Variants in EYA1 observed in about 807,000 individuals in gnomAD.
The protein encoded by EYA1 is EYA transcriptional coactivator and phosphatase 1.
In EYA1, 16 loss-of-function variants were observed where a neutral mutation model predicts 82.0. The ratio of observed to expected loss-of-function variants is 0.20; its 90% CI spans 0.13 to 0.30. EYA1 has a LOEUF of 0.30. Ranked by LOEUF, EYA1 falls within the 10% of genes least tolerant of loss-of-function variation. The pLI is 1.00. For synonymous variants in EYA1, 261 were observed against 264.4 expected (o/e 0.99, Z 0.12); for missense variants, 633 against 730.7 (o/e 0.87, Z 1.54).
chr8:71,223,955 G>A (rs569273417), intron 12 of EYA1, among the ~76,000 whole-genome samples: 12 of 152,290 alleles, frequency 7.9e-5, no homozygotes, highest in Admixed American at 7.8e-4. Context: ...TACAATTCAA[G>A]GTAGTTTTGG....
intron 2 of EYA1, among the ~76,000 whole-genome samples, chr8:71,392,290 T>C (rs1283925493): frequency 6.6e-6 from 1 of 152,132 alleles, no homozygotes; most frequent in Non-Finnish European, 1.5e-5. Flanking sequence ...ATTGGCTCTT[T>C]TTCTAGTTTC....
chr8:71,450,756 T>C (rs1314567271), intron 2 of EYA1, among the ~76,000 whole-genome samples: 1 of 152,140 alleles, frequency 6.6e-6, no homozygotes, highest in African/African-American at 2.4e-5. Flanking sequence ...TATTCCTGTA[T>C]ATAAAAAGGG....
intron 2 of EYA1, among the ~76,000 whole-genome samples, chr8:71,418,698 G>A (rs1428431130): frequency 1.3e-5 from 2 of 152,136 alleles, no homozygotes; most frequent in Non-Finnish European, 1.5e-5. Flanking sequence ...TATATGCTAG[G>A]CATTGTTCTA....
At chr8:71,202,845 T>C (rs1162413150) in intron 17 of EYA1, among the ~76,000 whole-genome samples, 1 of 152,208 alleles carries the variant, frequency 6.6e-6, no homozygotes, top group Non-Finnish European at 1.5e-5. Context: ...ATTAAGTGAA[T>C]GACTATAAGA....
intron 2 of EYA1, among the ~76,000 whole-genome samples, chr8:71,387,039 T>C (rs1054537842): frequency 1.3e-5 from 2 of 152,140 alleles, no homozygotes; most frequent in Non-Finnish European, 2.9e-5. Context: ...ACGCTGATAA[T>C]ACAGGTGAAT....
chr8:71,350,681 A>T lies in EYA1; in HGVS notation c.124+4101T>A, dbSNP rs1826215729. Reference sequence around the variant, plus strand: ...TCTTCTTGAGTTTGAGTCTAAGCTTACAATAGAGAAAACTCAAAATTAGAG... The same window carrying T: ...TCTTCTTGAGTTTGAGTCTAAGCTTTCAATAGAGAAAACTCAAAATTAGAG... On this transcript the variant is annotated intron_variant, in intron 3 of 17. Transcript: ENST00000340726. Among the ~76,000 whole-genome samples the T allele has an allele frequency of 2.0e-5, 3 of 152,126 alleles. No individual in the cohort carries two copies. The South Asian group carries it at 6.2e-4, about 32-fold the overall frequency.
intron 2 of EYA1, among the ~76,000 whole-genome samples, chr8:71,374,601 C>T (rs546462437): frequency 1.9e-4 from 29 of 152,268 alleles, no homozygotes; most frequent in African/African-American, 6.7e-4. Flanking sequence ...AAAAATAGGA[C>T]TGCCATACAA....
chr8:71,217,588 CGTGT>C (rs372443634), intron 12 of EYA1, among the ~76,000 whole-genome samples: 2 of 150,802 alleles, frequency 1.3e-5, no homozygotes, highest in Non-Finnish European at 3.0e-5. Context: ...TCTCTGTGTA[CGTGT>C]GTGTGTGTGT....
At chr8:71,225,352 A>G (rs1335345087) in intron 12 of EYA1, 1 of 455,946 alleles carries the variant, frequency 2.2e-6, no homozygotes, top group Non-Finnish European at 4.4e-6. Context: ...CACACTGGCA[A>G]TCGCTGGCAG....
At chr8:71,368,848 G>A (rs1055618919) in intron 2 of EYA1, among the ~76,000 whole-genome samples, 2 of 151,760 alleles carry the variant, frequency 1.3e-5, no homozygotes, top group African/African-American at 4.8e-5. Context: ...ATCAACCCAC[G>A]AATGACTTAT....
chr8:71,305,674 T>TAAATAAATAAATA (rs368912331), intron 7 of EYA1, among the ~76,000 whole-genome samples: 2 of 151,676 alleles, frequency 1.3e-5, no homozygotes, highest in African/African-American at 4.8e-5. Flanking sequence ...AATAAATAAA[T>TAAATAAATAAATA]AATTGTTAAC....
chr8:71,430,315 A>G (rs527982915), intron 2 of EYA1, among the ~76,000 whole-genome samples: 1 of 152,332 alleles, frequency 6.6e-6, no homozygotes, highest in African/African-American at 2.4e-5. Flanking sequence ...ACAGTTGCAG[A>G]AGACTTATGT....
intron 2 of EYA1, among the ~76,000 whole-genome samples, chr8:71,448,449 T>G (rs1183238421): frequency 6.6e-6 from 1 of 152,044 alleles, no homozygotes; most frequent in Non-Finnish European, 1.5e-5. Flanking sequence ...TCTATTTCTC[T>G]TCCTATTTCC....
intron 11 of EYA1, among the ~76,000 whole-genome samples, chr8:71,265,303 A>G (rs907926083): frequency 6.6e-6 from 1 of 152,136 alleles, no homozygotes; most frequent in Non-Finnish European, 1.5e-5. Context: ...TTTCTCATCT[A>G]TAAAATAGGC....
chr8:71,213,866 G>T (rs1346365333), intron 16 of EYA1, among the ~76,000 whole-genome samples: 1 of 152,140 alleles, frequency 6.6e-6, no homozygotes, highest in East Asian at 1.9e-4. Context: ...AATTTATTCA[G>T]CCATTCATTC....
chr8:71,303,078 T>C (rs533289294), intron 7 of EYA1, among the ~76,000 whole-genome samples: 2 of 142,508 alleles, frequency 1.4e-5, no homozygotes, highest in South Asian at 4.6e-4. Context: ...GCAGGCTTTC[T>C]AATGTTACTC....
chr8:71,286,079 G>A (rs1818332912), intron 9 of EYA1, among the ~76,000 whole-genome samples: 1 of 152,178 alleles, frequency 6.6e-6, no homozygotes, highest in African/African-American at 2.4e-5. Flanking sequence ...GGCAAAGGCA[G>A]GAACAGTTCT....
At chr8:71,470,970 C>G in intron 2 of EYA1, 1 of 429,130 alleles carries the variant, frequency 2.3e-6, no homozygotes. Context: ...AAAACCTTAC[C>G]CAGCAGACAT....
chr8:71,236,077 GTCAC>G (rs1182050236), intron 12 of EYA1, among the ~76,000 whole-genome samples: 48 of 152,196 alleles, frequency 3.2e-4, no homozygotes, highest in African/African-American at 1.1e-3. Flanking sequence ...GTCTCACTCT[GTCAC>G]TCAGGCTGGA....
Sources: allele counts gnomAD v4.1 joint callset (sites outside exome capture counted in the v4.1 genomes callset), GRCh38; gene constraint gnomAD v4.1.1; transcripts MANE v1.5; gene names NCBI Gene and HGNC (gene_info 2026-07-23, HGNC 2026-07-21).